Variants in MIS18BP1 observed in about 807,000 individuals in gnomAD.
The protein encoded by MIS18BP1 is mis18-binding protein 1.
MIS18BP1 carries 72 observed loss-of-function variants against 116.1 expected under a neutral mutation model. The observed-to-expected ratio is 0.62, with a 90% CI of 0.51 to 0.75. MIS18BP1 has a LOEUF of 0.75. Ranked by LOEUF, MIS18BP1 falls within the 30% of genes least tolerant of loss-of-function variation. The pLI, the probability that MIS18BP1 is intolerant of heterozygous loss-of-function variation, is 0.00. For synonymous variants in MIS18BP1, 386 were observed against 427.0 expected (o/e 0.90, Z 1.18); for missense variants, 1,363 against 1,303.2 (o/e 1.05, Z -0.71).
chr14:45,219,072 A>G (rs1890901745), intron 11 of MIS18BP1, among the ~76,000 whole-genome samples: 1 of 152,156 alleles, frequency 6.6e-6, no homozygotes. Flanking sequence ...TGGTATACAC[A>G]TTACCACCCC....
chr14:45,251,879 T>C (rs1188087862), intron 1 of MIS18BP1, among the ~76,000 whole-genome samples: 1 of 152,248 alleles, frequency 6.6e-6, no homozygotes, highest in Non-Finnish European at 1.5e-5. Flanking sequence ...AATGCAAGTA[T>C]GCATACTATT....
intron 15 of MIS18BP1, among the ~76,000 whole-genome samples, chr14:45,204,708 T>C (rs1200495925): frequency 1.3e-5 from 2 of 152,082 alleles, no homozygotes; most frequent in Non-Finnish European, 2.9e-5. Flanking sequence ...ACTAATGCTA[T>C]AGCAGTTAAA....
Position 45,235,958 on chromosome 14 carries a change from A to G in MIS18BP1, c.1218-14T>C, listed in dbSNP as rs1173633953. 1.3e-6 allele frequency: 2 copies of G among 1,589,492 alleles called. No individual in the cohort carries two copies. The highest frequency in any genetic ancestry group is 1.7e-6 in the Non-Finnish European group (2 of 1,169,684). On this transcript the variant is annotated splice_polypyrimidine_tract_variant and intron_variant, in intron 5 of 16. Transcript: ENST00000310806. ...TTAGTGACGTCTCTAGGAAAAAAAA[A>G]TAGTTTTGGTAAGGTCAAAATATTC...
chr14:45,238,736 G>A (rs1421935438), intron 4 of MIS18BP1, among the ~76,000 whole-genome samples: 1 of 152,098 alleles, frequency 6.6e-6, no homozygotes, highest in Non-Finnish European at 1.5e-5. Context: ...GAGGTGGGAG[G>A]ATCACTTGAG....
chr14:45,232,142 C>G (rs539361073), intron 7 of MIS18BP1, among the ~76,000 whole-genome samples: 1 of 151,982 alleles, frequency 6.6e-6, no homozygotes, highest in East Asian at 1.9e-4. Flanking sequence ...TTCAGGCGGG[C>G]GCGGTGTCTC....
intron 13 of MIS18BP1, among the ~76,000 whole-genome samples, chr14:45,211,486 T>C (rs1890671912): frequency 6.6e-6 from 1 of 152,194 alleles, no homozygotes; most frequent in Non-Finnish European, 1.5e-5. Context: ...TTCCAAATCA[T>C]TCTCTCTTTA....
chr14:45,230,544 A>AG (rs1366365609), intron 8 of MIS18BP1, among the ~76,000 whole-genome samples: 3 of 152,182 alleles, frequency 2.0e-5, no homozygotes, highest in Non-Finnish European at 4.4e-5. Flanking sequence ...GGGTCAAGGA[A>AG]ATTAAAAGAA....
intron 11 of MIS18BP1, 54 bp downstream of exon 11, chr14:45,223,864 T>A: frequency 7.5e-7 from 1 of 1,328,960 alleles, no homozygotes; most frequent in Non-Finnish European, 1.0e-6. Context: ...TTTATGTCTT[T>A]AACTGTCTTG....
intron 8 of MIS18BP1, among the ~76,000 whole-genome samples, chr14:45,229,506 A>AC (rs1891218098): frequency 6.6e-6 from 1 of 151,436 alleles, no homozygotes; most frequent in South Asian, 2.1e-4. Flanking sequence ...CCTGTCTCAA[A>AC]AAAAAAAAAA....
At chr14:45,232,876 A>T in intron 6 of MIS18BP1, 56 bp from the exon 7 acceptor site, 1 of 808,788 alleles carries the variant, frequency 1.2e-6, no homozygotes, top group Non-Finnish European at 2.0e-6. Flanking sequence ...TTTTAAACAG[A>T]TATCATTAAT....
At chr14:45,232,416 C>CAAAAAAAA (rs532665472) in intron 7 of MIS18BP1, 7 of 96,052 alleles carry the variant, frequency 7.3e-5, no homozygotes, top group East Asian at 4.9e-4. Flanking sequence ...GATTCCATCT[C>CAAAAAAAA]AAAAAAAAAA....
chr14:45,247,653 T>C (rs1299525915), intron 1 of MIS18BP1, among the ~76,000 whole-genome samples: 4 of 152,108 alleles, frequency 2.6e-5, no homozygotes, highest in African/African-American at 9.7e-5. Context: ...TGAGTCATGA[T>C]TGTGCCACTG....
rs1891078308 is a variant in MIS18BP1, at chr14:45,224,709, T to C, written c.1878A>G (p.Leu626=). ...TEELDVSIDI[L]TSREQFFSDE... The stretch of plus-strand genomic sequence containing the variant: ...CTGAGAAAAACTGTTCCCTTGAGGT[T>C]AGAATATCAATGGATACATCCAATT... The change falls in exon 11 of 17, where the codon CTA becomes CTG. Residue 626 remains leucine, a synonymous_variant. Transcript: ENST00000310806. 1 of 1,602,662 alleles carries C rather than the reference T, an allele frequency of 6.2e-7. No individual in the cohort carries two copies. Among genetic ancestry groups the C allele is most frequent in the South Asian group, 1.1e-5 (1 of 88,530 alleles).
intron 1 of MIS18BP1, among the ~76,000 whole-genome samples, chr14:45,249,316 C>T (rs944790123): frequency 6.6e-6 from 1 of 152,042 alleles, no homozygotes; most frequent in African/African-American, 2.4e-5. Flanking sequence ...GGTCTCCTGA[C>T]CTCAGGTGAT....
At chr14:45,229,975 G>A (rs543409527) in intron 8 of MIS18BP1, among the ~76,000 whole-genome samples, 6 of 152,276 alleles carry the variant, frequency 3.9e-5, no homozygotes, top group South Asian at 2.1e-4. Flanking sequence ...CATATTTAAC[G>A]TATTCCTTTC....
rs577046257 is a variant in MIS18BP1 at position 45,250,457 on chromosome 14, AT to A, written c.-92+2577del. ...TGATGAAACACAGACATTAGTGGAG[AT>A]TTAGTAACTAGCAACCCGCAAGTGG... On this transcript the variant is annotated intron_variant, in intron 1 of 16. Transcript: ENST00000310806. Among the ~76,000 whole-genome samples the A allele has an allele frequency of 2.5e-4, 38 of 152,320 alleles. 1 individual carries two copies. In the South Asian group the frequency reaches 7.7e-3, roughly 31 times the overall value.
At chr14:45,222,501 C>G (rs918809458) in intron 11 of MIS18BP1, among the ~76,000 whole-genome samples, 1 of 152,126 alleles carries the variant, frequency 6.6e-6, no homozygotes, top group African/African-American at 2.4e-5. Flanking sequence ...AGGTCATCAA[C>G]CTGGTGGTAT....
chr14:45,244,153 A>ATAGAT (rs1162582892), intron 2 of MIS18BP1, among the ~76,000 whole-genome samples: 4 of 152,162 alleles, frequency 2.6e-5, no homozygotes, highest in Non-Finnish European at 5.9e-5. Context: ...TGGGCTTTCT[A>ATAGAT]ACAGATACCT....
In MIS18BP1 at chr14:45,242,801, G is replaced by A. The variant is rs1341287936; in HGVS notation, c.618C>T (p.Cys206=). The change falls in exon 3 of 17, where the codon TGC becomes TGT. Residue 206 remains cysteine, a synonymous_variant. Transcript: ENST00000310806. ...GCAGTGGTGCTTTCTTTTCCTGCTG[G>A]CACTGAATCTTTTGTTTGACCGGGA... ...IFLPVKQKIQ[C]QQEKKAPLHN... 79 of 1,613,248 alleles carry A rather than the reference G, an allele frequency of 4.9e-5. No individual in the cohort carries two copies. Among genetic ancestry groups the A allele is most frequent in the Non-Finnish European group, 6.3e-5 (74 of 1,179,696 alleles).
Sources: gnomAD v4.1 joint callset for allele counts (sites outside exome capture counted in the v4.1 genomes callset) on GRCh38, gnomAD v4.1.1 for gene constraint, MANE v1.5 for transcripts, NCBI Gene and HGNC (gene_info 2026-07-23, HGNC 2026-07-21) for gene names.